The following SNX6 variants were observed in gnomAD, a reference collection of about 807,000 sequenced individuals.
SNX6 encodes the protein sorting nexin-6.
SNX6 carries 34 observed loss-of-function variants against 63.0 expected under a neutral mutation model. The ratio of observed to expected loss-of-function variants is 0.54; its 90% CI spans 0.41 to 0.72. SNX6 has a LOEUF of 0.72. Among genes scored for constraint, SNX6 ranks in the 30% least tolerant of loss-of-function variants. The pLI is 0.00. For synonymous variants in SNX6, 170 were observed against 164.2 expected, an observed-to-expected ratio of 1.04 and a Z score of -0.27; for missense variants, 398 against 471.4, an observed-to-expected ratio of 0.84 and a Z score of 1.44.
At position 34,562,916 on chromosome 14, in the gene SNX6, G is replaced by T; in HGVS notation, c.*206C>A. The T allele has an allele frequency of 1.7e-6, 1 of 591,526 alleles. No individual in the cohort carries two copies. The allele number at this position is 591,526 out of a possible 1,614,324, so 36.6% of individuals were successfully genotyped here. ...GTGCACGATGATGGACCACTGTCAT[G>T]GGGAACACAGTGCGGCATCACGGCA... On this transcript the variant is annotated 3_prime_UTR_variant, in exon 14 of 14. Coordinates refer to ENST00000362031, the MANE Select transcript of SNX6 (RefSeq NM_152233.4).
chr14:34,570,870 C>T (rs1881420681), intron 11 of SNX6, among the ~76,000 whole-genome samples: 1 of 151,174 alleles, frequency 6.6e-6, no homozygotes, highest in Admixed American at 6.6e-5. Context: ...ACTACAGGCG[C>T]CCACCACCAC....
At chr14:34,617,605 C>T (rs1883466018) in intron 2 of SNX6, among the ~76,000 whole-genome samples, 2 of 75,154 alleles carry the variant, frequency 2.7e-5, no homozygotes, top group South Asian at 9.9e-4. Flanking sequence ...GAGACCCTGT[C>T]TCAAAAAAAA....
In SNX6 at chr14:34,563,126, G is replaced by A. The variant is rs751175228; in HGVS notation, c.1217C>T (p.Thr406Ile). Residue 406 changes from threonine to isoleucine, a missense_variant, in exon 14 of 14, where the codon ACA (threonine) becomes ATA (isoleucine). Coordinates refer to ENST00000362031, the MANE Select transcript of SNX6 (RefSeq NM_152233.4). ...QNCLAVLNGD[T>I] Reference sequence around the variant, plus strand: ...AACAGGAAGGCGGAGTGTGGCTTATGTGTCTCCATTTAACACTGCCAGGCA... The same window carrying A: ...AACAGGAAGGCGGAGTGTGGCTTATATGTCTCCATTTAACACTGCCAGGCA... The A allele has an allele frequency of 1.9e-6, 3 of 1,613,778 alleles. No individual in the cohort carries two copies. The highest frequency in any genetic ancestry group is 2.5e-6 in the Non-Finnish European group (3 of 1,179,828).
At chr14:34,610,339 A>G (rs1293856574) in intron 2 of SNX6, among the ~76,000 whole-genome samples, 1 of 140,752 alleles carries the variant, frequency 7.1e-6, no homozygotes, top group Non-Finnish European at 1.5e-5. Context: ...TGGATGACAG[A>G]GCAAAACCGT....
intron 6 of SNX6, among the ~76,000 whole-genome samples, chr14:34,600,031 G>A (rs1882747572): frequency 6.6e-6 from 1 of 152,120 alleles, no homozygotes; most frequent in South Asian, 2.1e-4. Flanking sequence ...TGAAGTATTA[G>A]TTAATAATTC....
intron 11 of SNX6, among the ~76,000 whole-genome samples, chr14:34,571,426 C>T (rs1488598336): frequency 1.3e-5 from 2 of 151,890 alleles, no homozygotes; most frequent in Non-Finnish European, 2.9e-5. Context: ...GAGTGAGACT[C>T]CGTCTCAAAA....
intron 2 of SNX6, among the ~76,000 whole-genome samples, chr14:34,611,155 G>A (rs188888899): frequency 6.4e-4 from 97 of 152,208 alleles, no homozygotes; most frequent in Non-Finnish European, 1.2e-3. Context: ...CCCACATCCA[G>A]CTATTTTTGT....
intron 8 of SNX6, among the ~76,000 whole-genome samples, chr14:34,588,906 G>A (rs1456968231): frequency 6.6e-6 from 1 of 152,104 alleles, no homozygotes; most frequent in East Asian, 1.9e-4. Flanking sequence ...GGCTGAGGCA[G>A]GTCGATCACA....
rs1397685696 is a variant in SNX6, at chr14:34,562,975, C to T, written c.*147G>A. 4.0e-6 allele frequency: 3 copies of T among 757,608 alleles called. No homozygotes were observed. Among genetic ancestry groups the T allele is most frequent in the Admixed American group, 5.1e-5 (2 of 39,046 alleles). 46.9% of individuals were successfully genotyped at this position (757,608 alleles called of 1,614,324 possible). A position where few individuals can be genotyped will look rare whatever the true frequency, so the allele number is the denominator to read the frequency against. On this transcript the variant is annotated 3_prime_UTR_variant, in exon 14 of 14. Transcript: ENST00000362031. ...GGCATCGCCTGGGCGTGCGCTGCTCCATGTTTCTCAGAAAAAGAGGAGTTG... is the reference window on the plus strand; with the variant it reads ...GGCATCGCCTGGGCGTGCGCTGCTCTATGTTTCTCAGAAAAAGAGGAGTTG...
intron 2 of SNX6, among the ~76,000 whole-genome samples, chr14:34,617,977 T>C (rs1003391056): frequency 6.6e-6 from 1 of 151,628 alleles, no homozygotes; most frequent in East Asian, 1.9e-4. Context: ...CTGACTAGTG[T>C]ACTATGAAGT....
intron 10 of SNX6, among the ~76,000 whole-genome samples, chr14:34,576,454 T>TA (rs1566468356): frequency 0.023 from 135 of 5,956 alleles, no homozygotes; most frequent in African/African-American, 0.041. Flanking sequence ...ATATATATAT[T>TA]TTTTTTTTTT....
intron 4 of SNX6, among the ~76,000 whole-genome samples, chr14:34,606,699 G>A (rs1370550487): frequency 2.6e-5 from 4 of 151,972 alleles, no homozygotes; most frequent in African/African-American, 4.8e-5. Context: ...TGATCCACCC[G>A]CCTCGGCCTC....
At chr14:34,574,916 A>G (rs1024034049) in intron 11 of SNX6, among the ~76,000 whole-genome samples, 1 of 151,676 alleles carries the variant, frequency 6.6e-6, no homozygotes, top group African/African-American at 2.4e-5. Context: ...TTTGAGACAG[A>G]GTTTCACTCT....
intron 2 of SNX6, among the ~76,000 whole-genome samples, chr14:34,613,875 G>A (rs57968220): frequency 0.021 from 3,187 of 152,082 alleles, 106 homozygotes; most frequent in African/African-American, 0.069. Flanking sequence ...CTGGGAGCCC[G>A]AGGTGGGTGG....
chr14:34,567,806 T>C (rs780574313), intron 12 of SNX6, 35 bp from the exon 13 acceptor site: 2 of 1,611,858 alleles, frequency 1.2e-6, no homozygotes, highest in East Asian at 2.2e-5. Flanking sequence ...TTAATTTACA[T>C]AATAGTCATA....
intron 9 of SNX6, among the ~76,000 whole-genome samples, chr14:34,585,975 GCTC>G (rs1882135261): frequency 6.6e-6 from 1 of 151,978 alleles, no homozygotes; most frequent in East Asian, 1.9e-4. Context: ...TGGAATCTCA[GCTC>G]ACTGCAACCT....
intron 2 of SNX6, among the ~76,000 whole-genome samples, chr14:34,611,689 G>A (rs573748125): frequency 1.3e-5 from 2 of 149,150 alleles, no homozygotes; most frequent in South Asian, 2.1e-4. Flanking sequence ...GGCGGAGGTT[G>A]CGCTGAGCAG....
chr14:34,594,260 T>C (rs1310131391), intron 7 of SNX6, among the ~76,000 whole-genome samples: 1 of 151,964 alleles, frequency 6.6e-6, no homozygotes, highest in Admixed American at 6.6e-5. Flanking sequence ...CTGAGGAACC[T>C]GACCAAACTA....
rs1880984944 is a variant in SNX6 at position 34,562,757 on chromosome 14, T to C, written c.*365A>G. The C allele has an allele frequency of 5.1e-6, 1 of 194,672 alleles. No individual in the cohort carries two copies. The highest frequency in any genetic ancestry group is 5.9e-5 in the Admixed American group (1 of 16,894). The allele number at this position is 194,672 out of a possible 1,614,324, so 12.1% of individuals were successfully genotyped here. ...TTTATCTTGTTTCAACAATGCATTC[T>C]GAAAAGGTTAAATTTCAGAAATTAT... On this transcript the variant is annotated 3_prime_UTR_variant, in exon 14 of 14. Coordinates refer to ENST00000362031, the MANE Select transcript of SNX6 (RefSeq NM_152233.4).
Sources: allele counts gnomAD v4.1 joint callset (sites outside exome capture counted in the v4.1 genomes callset), GRCh38; gene constraint gnomAD v4.1.1; transcripts MANE v1.5; gene names NCBI Gene and HGNC (gene_info 2026-07-23, HGNC 2026-07-21).